Variants in SYTL5 observed in about 807,000 individuals in gnomAD.
The protein encoded by SYTL5 is synaptotagmin-like protein 5.
A neutral mutation model predicts 55.9 loss-of-function variants in SYTL5; 34 were observed. The ratio of observed to expected loss-of-function variants is 0.61; its 90% CI spans 0.46 to 0.81. The LOEUF is 0.81. Ranked by LOEUF, SYTL5 falls within the 30% of genes least tolerant of loss-of-function variation. The pLI is 0.00. For missense variants in SYTL5, 637 were observed against 546.7 expected, an observed-to-expected ratio of 1.17 and a Z score of -1.65; for synonymous variants, 221 against 188.7, an observed-to-expected ratio of 1.17 and a Z score of -1.40.
intron 3 of SYTL5, among the ~76,000 whole-genome samples, chrX:38,056,412 T>C (rs200518826): frequency 8.9e-6 from 1 of 112,125 alleles, no homozygotes; most frequent in East Asian, 2.8e-4. Flanking sequence ...TTGTGAATAG[T>C]GCTGCAGTAA....
rs1340350779 is a variant in SYTL5, at chrX:38,128,347, T to G, written c.*1617T>G. On this transcript the variant is annotated 3_prime_UTR_variant, in exon 17 of 17. Coordinates refer to ENST00000297875, the MANE Select transcript of SYTL5 (RefSeq NM_138780.3). ...TATTAGGTAGATAAAAGGGCTTATGTCAAGAAATTTGGAGCAGAGTCTGAT... is the reference window on the plus strand; with the variant it reads ...TATTAGGTAGATAAAAGGGCTTATGGCAAGAAATTTGGAGCAGAGTCTGAT... 1 of 111,669 alleles carries G rather than the reference T, an allele frequency of 9.0e-6. No individual in the cohort carries two copies. The highest frequency in any genetic ancestry group is 1.9e-5 in the Non-Finnish European group (1 of 53,117). 9.2% of individuals were successfully genotyped at this position (111,669 alleles called of 1,213,427 possible). A position where few individuals can be genotyped will look rare whatever the true frequency, so the allele number is the denominator to read the frequency against.
chrX:38,108,327 T>C (rs1216318245), intron 11 of SYTL5, among the ~76,000 whole-genome samples: 1 of 111,740 alleles, frequency 8.9e-6, no homozygotes, highest in African/African-American at 3.3e-5. Context: ...AGTAAATTCT[T>C]GAGGTCACCA....
chrX:38,097,595 A>G (rs1044678546), intron 9 of SYTL5, among the ~76,000 whole-genome samples: 1 of 110,875 alleles, frequency 9.0e-6, no homozygotes, highest in African/African-American at 3.2e-5. Flanking sequence ...GTGTTAATGG[A>G]TTAGAAGATT....
chrX:38,035,748 AGCAGGGCGTGGTGGT>A (rs1198253799), intron 2 of SYTL5, among the ~76,000 whole-genome samples: 1 of 108,495 alleles, frequency 9.2e-6, no homozygotes, highest in South Asian at 4.1e-4. Context: ...TACAAAAATT[AGCAGGGCGTGGTGGT>A]GCACGCCTGT....
intron 10 of SYTL5, among the ~76,000 whole-genome samples, chrX:38,105,477 A>G (rs755922147): frequency 1.7e-4 from 19 of 112,536 alleles, no homozygotes; most frequent in Non-Finnish European, 3.2e-4. Context: ...TCCAGGTCAT[A>G]GGTAGATAAG....
At chrX:37,892,733 C>G in the SYTL5 span, among the ~76,000 whole-genome samples, 6 of 73,669 alleles carry the variant, frequency 8.1e-5, no homozygotes, top group Non-Finnish European at 1.3e-4. Flanking sequence ...AGTATATATA[C>G]GTATATTAGT....
the SYTL5 span, among the ~76,000 whole-genome samples, chrX:37,957,147 A>G: frequency 9.0e-6 from 1 of 111,549 alleles, no homozygotes; most frequent in Non-Finnish European, 1.9e-5. Context: ...TTTTTCTGCT[A>G]CTGAGCTGTA....
At chrX:38,083,300 G>A (rs1466367161) in intron 6 of SYTL5, among the ~76,000 whole-genome samples, 1 of 111,769 alleles carries the variant, frequency 8.9e-6, no homozygotes, top group African/African-American at 3.3e-5. Flanking sequence ...TTCATACCCA[G>A]CTGGAGTCCC....
intron 7 of SYTL5, among the ~76,000 whole-genome samples, chrX:38,091,533 C>T (rs926614571): frequency 9.1e-6 from 1 of 110,099 alleles, no homozygotes; most frequent in Non-Finnish European, 1.9e-5. Flanking sequence ...GGGCAGTATG[C>T]GGGGGCCCTT....
chrX:38,009,818 C>T (rs769439759), intron 1 of SYTL5, among the ~76,000 whole-genome samples: 1 of 112,091 alleles, frequency 8.9e-6, no homozygotes, highest in Non-Finnish European at 1.9e-5. Context: ...CCCCTGTGCA[C>T]TCTCTGTGAA....
the SYTL5 span, among the ~76,000 whole-genome samples, chrX:37,908,732 C>CTGTG: frequency 7.9e-4 from 86 of 108,980 alleles, 1 homozygote; most frequent in African/African-American, 2.5e-3. Flanking sequence ...TGCACCTTGC[C>CTGTG]TGTGTGTGTG....
chrX:38,061,349 T>C (rs912814997), intron 3 of SYTL5, among the ~76,000 whole-genome samples: 3 of 112,157 alleles, frequency 2.7e-5, no homozygotes, highest in Non-Finnish European at 5.6e-5. Flanking sequence ...AAGTATCTTG[T>C]TTGCTATTCA....
At chrX:37,976,517 TG>T in the SYTL5 span, among the ~76,000 whole-genome samples, 1 of 111,918 alleles carries the variant, frequency 8.9e-6, no homozygotes, top group African/African-American at 3.3e-5. Context: ...TCCATGACGA[TG>T]AAGTGTGTAT....
intron 2 of SYTL5, among the ~76,000 whole-genome samples, chrX:38,034,634 G>A (rs1051942640): frequency 1.1e-4 from 12 of 111,945 alleles, no homozygotes; most frequent in African/African-American, 3.9e-4. Context: ...GTTGAACGAT[G>A]TGGGCACAGT....
At chrX:38,043,659 A>ATG (rs1476044901) in intron 2 of SYTL5, among the ~76,000 whole-genome samples, 185 of 58,539 alleles carry the variant, frequency 3.2e-3, no homozygotes, top group African/African-American at 0.016. Flanking sequence ...GTATGTATGT[A>ATG]TGTATATATA....
the SYTL5 span, among the ~76,000 whole-genome samples, chrX:37,967,201 G>A: frequency 2.7e-5 from 3 of 110,999 alleles, no homozygotes; most frequent in African/African-American, 6.6e-5. Context: ...ACAGGCACCC[G>A]CCACCATGAC....
the SYTL5 span, among the ~76,000 whole-genome samples, chrX:37,907,362 G>A: frequency 1.8e-5 from 2 of 111,987 alleles, no homozygotes; most frequent in Non-Finnish European, 3.8e-5. Flanking sequence ...TATAATTATA[G>A]AAAAGAACCC....
chrX:38,120,462 C>T lies in SYTL5; in HGVS notation c.1701C>T (p.Leu567=), dbSNP rs1937558384. ...EENLMLPPEQ[L]QGNKTFKKGK... ...ACCTGATGCTTCCACCAGAACAACT[C>T]CAAGGTAGAGTAAAAATCAATGACT... Residue 567 remains leucine (L), a synonymous_variant, in exon 14 of 17, where the codon CTC becomes CTT. Transcript: ENST00000297875. 1.7e-6 allele frequency: 2 copies of T among 1,184,860 alleles called. No homozygotes were observed. The highest frequency in any genetic ancestry group is 1.8e-5 in the South Asian group (1 of 56,070).
chrX:37,906,889 G>T, the SYTL5 span, among the ~76,000 whole-genome samples: 3 of 112,044 alleles, frequency 2.7e-5, no homozygotes, highest in Non-Finnish European at 1.9e-5. Flanking sequence ...GCAAAACTAC[G>T]TGTTAGTTTC....
Sources: gnomAD v4.1 joint callset for allele counts (sites outside exome capture counted in the v4.1 genomes callset) on GRCh38, gnomAD v4.1.1 for gene constraint, MANE v1.5 for transcripts, NCBI Gene and HGNC (gene_info 2026-07-23, HGNC 2026-07-21) for gene names.